NTNG1: variants seen among roughly 807,000 people sequenced by gnomAD.
The protein encoded by NTNG1 is netrin-G1.
NTNG1 carries 16 observed loss-of-function variants against 54.0 expected under a neutral mutation model. That is an observed-to-expected ratio of 0.30 (90% CI 0.20 to 0.45). NTNG1 has a LOEUF of 0.45. Ranked by LOEUF, NTNG1 falls within the 20% of genes least tolerant of loss-of-function variation. The pLI is 1.00. For synonymous variants in NTNG1, 255 were observed against 263.1 expected (o/e 0.97, Z 0.30); for missense variants, 530 against 678.7 (o/e 0.78, Z 2.43).
At chr1:107,229,785 A>G (rs1660937981) in intron 2 of NTNG1, among the ~76,000 whole-genome samples, 1 of 151,914 alleles carries the variant, frequency 6.6e-6, no homozygotes, top group Admixed American at 6.6e-5. Flanking sequence ...CACTTAAGTC[A>G]TAGTGCTTAG....
intron 7 of NTNG1, 37 bp from the exon 8 acceptor site, chr1:107,480,574 G>GGACCCACAAGAGTGACCA: frequency 3.1e-6 from 1 of 324,108 alleles, no homozygotes; most frequent in Non-Finnish European, 5.8e-6. Context: ...TCTCCTCCCC[G>GGACCCACAAGAGTGACCA]CGCCCACCCA....
intron 7 of NTNG1, among the ~76,000 whole-genome samples, chr1:107,447,983 A>G (rs1676404971): frequency 6.6e-6 from 1 of 152,200 alleles, no homozygotes; most frequent in African/African-American, 2.4e-5. Flanking sequence ...AGTATGTGCC[A>G]GACATTGTGC....
chr1:107,342,636 A>G (rs368274192), intron 3 of NTNG1, among the ~76,000 whole-genome samples: 3 of 152,080 alleles, frequency 2.0e-5, no homozygotes, highest in Non-Finnish European at 2.9e-5. Context: ...TCAAATGCCA[A>G]ATTTCTAAAA....
At chr1:107,364,725 T>G (rs1279302049) in intron 3 of NTNG1, among the ~76,000 whole-genome samples, 1 of 152,212 alleles carries the variant, frequency 6.6e-6, no homozygotes, top group African/African-American at 2.4e-5. Context: ...TACTAAGTGC[T>G]TTGAATGCTT....
chr1:107,332,088 G>A (rs910568844), intron 3 of NTNG1, among the ~76,000 whole-genome samples: 35 of 151,900 alleles, frequency 2.3e-4, no homozygotes, highest in Non-Finnish European at 4.7e-4. Flanking sequence ...ACAACTGAGG[G>A]ACATTCTGAT....
At chr1:107,470,059 T>G (rs1050815832) in intron 7 of NTNG1, among the ~76,000 whole-genome samples, 1 of 152,126 alleles carries the variant, frequency 6.6e-6, no homozygotes, top group Non-Finnish European at 1.5e-5. Context: ...CTCAGGAAGC[T>G]CTGATGGTTC....
At chr1:107,191,111 T>C (rs916442277) in intron 2 of NTNG1, among the ~76,000 whole-genome samples, 1 of 152,244 alleles carries the variant, frequency 6.6e-6, no homozygotes, top group Non-Finnish European at 1.5e-5. Flanking sequence ...TTTTTAATGA[T>C]CGCCATTCTA....
At chr1:107,245,341 G>A (rs561926705) in intron 2 of NTNG1, among the ~76,000 whole-genome samples, 9 of 152,156 alleles carry the variant, frequency 5.9e-5, no homozygotes, top group South Asian at 2.1e-4. Flanking sequence ...TGCAGTTTAC[G>A]TAAGTGTAAG....
chr1:107,402,500 C>T (rs1368533811), intron 4 of NTNG1, among the ~76,000 whole-genome samples: 2 of 152,108 alleles, frequency 1.3e-5, no homozygotes, highest in African/African-American at 4.8e-5. Flanking sequence ...AGGTTAATGT[C>T]ACCTCTGTTG....
At chr1:107,237,609 C>T (rs1296758853) in intron 2 of NTNG1, among the ~76,000 whole-genome samples, 1 of 152,044 alleles carries the variant, frequency 6.6e-6, no homozygotes, top group Non-Finnish European at 1.5e-5. Context: ...GTGGGCTGGG[C>T]CCAGGGTCCC....
In NTNG1 at chr1:107,386,165, A is replaced by ATTT. The variant is rs71098628; in HGVS notation, c.888-8978_888-8976dup. Reference sequence around the variant, plus strand: ...TATATGTGTGTATATATATATATATATTTTTTTTTTTTTCTTCCTTTGAAA... The same window carrying ATTT: ...TATATGTGTGTATATATATATATATATTTTTTTTTTTTTTTTCTTCCTTTGAAA... On this transcript the variant is annotated intron_variant, in intron 3 of 7. Coordinates refer to ENST00000370068, the MANE Select transcript of NTNG1 (RefSeq NM_001113226.3). 3.5e-3 allele frequency among the ~76,000 whole-genome samples: 428 copies of ATTT among 120,764 alleles called. 3 individuals carry two copies. The highest frequency in any genetic ancestry group is 7.5e-3 in the Admixed American group (93 of 12,326). 79.2% of individuals were successfully genotyped at this position (120,764 alleles called of 152,430 possible).
At chr1:107,251,098 CA>C (rs1306615920) in intron 2 of NTNG1, among the ~76,000 whole-genome samples, 1 of 152,174 alleles carries the variant, frequency 6.6e-6, no homozygotes, top group Non-Finnish European at 1.5e-5. Flanking sequence ...TGCTTCAAAT[CA>C]TTCCAAATCA....
intron 2 of NTNG1, among the ~76,000 whole-genome samples, chr1:107,158,763 T>C (rs528114902): frequency 6.6e-6 from 1 of 152,138 alleles, no homozygotes; most frequent in Non-Finnish European, 1.5e-5. Flanking sequence ...AGGAAAAAAT[T>C]ATAAACTGGT....
chr1:107,440,006 T>C (rs1305057759), intron 7 of NTNG1, among the ~76,000 whole-genome samples: 1 of 151,936 alleles, frequency 6.6e-6, no homozygotes, highest in Non-Finnish European at 1.5e-5. Flanking sequence ...GAACCCATCC[T>C]TGGATTTGGC....
At chr1:107,146,481 C>A (rs982679976) in intron 1 of NTNG1, among the ~76,000 whole-genome samples, 3 of 151,956 alleles carry the variant, frequency 2.0e-5, no homozygotes. Context: ...TGAAAAAAAG[C>A]AGAAGGCTAT....
intron 3 of NTNG1, among the ~76,000 whole-genome samples, chr1:107,356,085 C>T (rs1044199538): frequency 3.3e-5 from 5 of 152,122 alleles, no homozygotes; most frequent in African/African-American, 1.2e-4. Flanking sequence ...ACCTTTGTCA[C>T]CTCAGTGCCT....
In NTNG1 at chr1:107,447,979, T is replaced by C. The variant is rs530508395; in HGVS notation, c.1390+11180T>C. On this transcript the variant is annotated intron_variant, in intron 7 of 7. Transcript: ENST00000370068. Reference sequence around the variant, plus strand: ...TAACAAATATTGAAGTCCCAGTATGTGCCAGACATTGTGCTAAGTTTTGGC... The same window carrying C: ...TAACAAATATTGAAGTCCCAGTATGCGCCAGACATTGTGCTAAGTTTTGGC... 1.0e-3 allele frequency among the ~76,000 whole-genome samples: 159 copies of C among 152,214 alleles called. 1 individual carries two copies. The highest frequency in any genetic ancestry group is 1.8e-3 in the Non-Finnish European group (125 of 67,958).
intron 2 of NTNG1, among the ~76,000 whole-genome samples, chr1:107,248,971 A>G (rs1662381238): frequency 6.7e-6 from 1 of 150,324 alleles, no homozygotes; most frequent in Non-Finnish European, 1.5e-5. Context: ...CAACATGGTG[A>G]AACTCTGTCT....
At chr1:107,357,733 C>G (rs1051482519) in intron 3 of NTNG1, among the ~76,000 whole-genome samples, 20 of 152,004 alleles carry the variant, frequency 1.3e-4, no homozygotes, top group African/African-American at 4.6e-4. Flanking sequence ...TTTAACAATT[C>G]GTTTTTCACA....
Sources: allele counts gnomAD v4.1 joint callset (sites outside exome capture counted in the v4.1 genomes callset), GRCh38; gene constraint gnomAD v4.1.1; transcripts MANE v1.5; gene names NCBI Gene and HGNC (gene_info 2026-07-23, HGNC 2026-07-21).